Variants in CBFA2T3 observed in about 807,000 individuals in gnomAD.
CBFA2T3 encodes the protein CBFA2/RUNX1 partner transcriptional co-repressor 3.
In CBFA2T3, 31 loss-of-function variants were observed where a neutral mutation model predicts 58.6. That is an observed-to-expected ratio of 0.53 (90% CI 0.40 to 0.71). CBFA2T3 has a LOEUF of 0.71. Among genes scored for constraint, CBFA2T3 ranks in the 30% least tolerant of loss-of-function variants. The pLI is 0.00. For missense variants in CBFA2T3, 1,076 were observed against 963.1 expected (o/e 1.12, Z -1.55); for synonymous variants, 531 against 421.9 (o/e 1.26, Z -3.17).
chr16:88,921,612 G>A (rs35902527), intron 1 of CBFA2T3, among the ~76,000 whole-genome samples: 49 of 145,222 alleles, frequency 3.4e-4, no homozygotes, highest in Non-Finnish European at 5.6e-4. Flanking sequence ...GGGAGGGGGG[G>A]CGGTTGGGGG....
In CBFA2T3 at chr16:88,877,051, G is replaced by C; in HGVS notation, c.1887C>G (p.Ser629Arg). Residue 629 changes from serine (S) to arginine (R), a missense_variant, in exon 12 of 12, where the codon AGC becomes AGG. Coordinates refer to ENST00000268679, the MANE Select transcript of CBFA2T3 (RefSeq NM_005187.6). The part of the protein sequence containing the change: ...PSLPVGAASP[S>R]EAGSAGPSRP... ...GAGAAGGCCCCGCAGAGCCGGCTTC[G>C]CTGGGGCTGGCAGCACCCACAGGCA... 1 of 1,517,118 alleles carries C rather than the reference G, an allele frequency of 6.6e-7. No individual in the cohort carries two copies. Among genetic ancestry groups the C allele is most frequent in the Non-Finnish European group, 8.8e-7 (1 of 1,131,752 alleles). The allele number at this position is 1,517,118 out of a possible 1,614,324, so 94.0% of individuals were successfully genotyped here. A position where few individuals can be genotyped will look rare whatever the true frequency, so the allele number is the denominator to read the frequency against.
In CBFA2T3 at chr16:88,977,002, G is replaced by T. The variant is rs1972880306; in HGVS notation, c.-195C>A. On this transcript the variant is annotated 5_prime_UTR_variant, in exon 1 of 12. Transcript: ENST00000268679. ...TGGGTGTCCTCTGCCCTGGGGAGGG[G>T]GTGGGAGCCCTGGGGCTCATGTGAC... 3.5e-6 allele frequency: 2 copies of T among 564,924 alleles called. No homozygotes were observed. Among genetic ancestry groups the T allele is most frequent in the Non-Finnish European group, 3.0e-6 (1 of 330,610 alleles). 35.0% of individuals were successfully genotyped at this position (564,924 alleles called of 1,614,324 possible). A position where few individuals can be genotyped will look rare whatever the true frequency, so the allele number is the denominator to read the frequency against.
intron 1 of CBFA2T3, among the ~76,000 whole-genome samples, chr16:88,956,303 G>A (rs1366823916): frequency 6.6e-6 from 1 of 152,270 alleles, no homozygotes; most frequent in East Asian, 1.9e-4. Context: ...CGCACACGGA[G>A]CTCATGGCCT....
At chr16:88,895,955 C>A (rs1051519376) in intron 3 of CBFA2T3, among the ~76,000 whole-genome samples, 1 of 152,192 alleles carries the variant, frequency 6.6e-6, no homozygotes, top group African/African-American at 2.4e-5. Flanking sequence ...CTCCAGGGAC[C>A]AGAGGACAGC....
At position 88,950,342 on chromosome 16, in the gene CBFA2T3, T is replaced by C. The variant is rs943309456; in HGVS notation, c.151+26315A>G. 15 of 410,224 alleles carry C rather than the reference T, an allele frequency of 3.7e-5. 2 individuals carry two copies. The highest frequency in any genetic ancestry group is 7.8e-5 in the East Asian group (1 of 12,886). 25.4% of individuals were successfully genotyped at this position (410,224 alleles called of 1,614,324 possible). A position where few individuals can be genotyped will look rare whatever the true frequency, so the allele number is the denominator to read the frequency against. ...CTTCCGGGTCAGTTCACCCGTCCCC[T>C]GGACCGGCACCGCCACAGAGGGTCA... is the stretch of plus-strand genomic sequence containing the variant. On this transcript the variant is annotated intron_variant, in intron 1 of 11. Transcript: ENST00000268679.
chr16:88,878,817 G>A (rs1429096401), intron 11 of CBFA2T3, among the ~76,000 whole-genome samples: 6 of 152,228 alleles, frequency 3.9e-5, no homozygotes, highest in Non-Finnish European at 2.9e-5. Context: ...GTGGTGGCGG[G>A]CGCCTGTAAT....
At chr16:88,918,549 G>A (rs189140097) in intron 1 of CBFA2T3, among the ~76,000 whole-genome samples, 206 of 152,364 alleles carry the variant, frequency 1.4e-3, no homozygotes, top group African/African-American at 4.5e-3. Context: ...AGCTCCAAGC[G>A]TGCGGCCCAC....
intron 1 of CBFA2T3, chr16:88,937,107 G>C (rs557601): frequency 5.3e-5 from 8 of 152,226 alleles, no homozygotes; most frequent in African/African-American, 1.7e-4. Context: ...CCCGCAGCAC[G>C]GCCTGGGCTC....
intron 1 of CBFA2T3, among the ~76,000 whole-genome samples, chr16:88,952,119 G>A (rs1972089144): frequency 1.3e-5 from 2 of 152,218 alleles, no homozygotes; most frequent in South Asian, 2.1e-4. Context: ...CTGACAGCCC[G>A]AGTGATGGGA....
chr16:88,905,029 G>C (rs565968380), intron 1 of CBFA2T3, among the ~76,000 whole-genome samples: 1 of 152,216 alleles, frequency 6.6e-6, no homozygotes, highest in East Asian at 1.9e-4. Flanking sequence ...AGGACCCTCA[G>C]AGAAGATGAG....
intron 2 of CBFA2T3, among the ~76,000 whole-genome samples, chr16:88,898,501 C>T (rs1371565554): frequency 4.6e-5 from 7 of 152,234 alleles, no homozygotes; most frequent in African/African-American, 1.4e-4. Context: ...CCCTAAGGGC[C>T]GTTCTGGCAG....
At chr16:88,910,883 T>TGCCCCCA (rs71276836) in intron 1 of CBFA2T3, among the ~76,000 whole-genome samples, 40,526 of 150,956 alleles carry the variant, frequency 0.27, 6,013 homozygotes, top group Middle Eastern at 0.38. Context: ...CTCCCTCCCC[T>TGCCCCCA]GCCCCCAGCC....
In CBFA2T3 at chr16:88,968,736, C is replaced by T. The variant is rs1597800207; in HGVS notation, c.151+7921G>A. On this transcript the variant is annotated intron_variant, in intron 1 of 11. Transcript: ENST00000268679. ...CCCCTTGGGAATAAGCGGCAAGAAG[C>T]TTCGGGGTCCAGTTTGCACCGAGCC... Among the ~76,000 whole-genome samples, 2 of 152,298 alleles carry T rather than the reference C, an allele frequency of 1.3e-5. 1 individual carries two copies. The highest frequency in any genetic ancestry group is 6.8e-3 in the Middle Eastern group (2 of 294).
At chr16:88,890,636 C>G (rs1228738306) in intron 5 of CBFA2T3, among the ~76,000 whole-genome samples, 2 of 152,240 alleles carry the variant, frequency 1.3e-5, no homozygotes, top group Non-Finnish European at 2.9e-5. Flanking sequence ...AGTCTGACTC[C>G]ACGGCACTCC....
chr16:88,938,502 C>A (rs1971587459), intron 1 of CBFA2T3: 1 of 152,282 alleles, frequency 6.6e-6, no homozygotes, highest in South Asian at 2.1e-4. Context: ...TACAGGGACG[C>A]GACAGTGCGT....
At chr16:88,969,835 G>A (rs1005626923) in intron 1 of CBFA2T3, among the ~76,000 whole-genome samples, 3 of 152,210 alleles carry the variant, frequency 2.0e-5, no homozygotes, top group Admixed American at 1.3e-4. Context: ...TGGCCTGGGG[G>A]GTTGCGATTT....
intron 1 of CBFA2T3, among the ~76,000 whole-genome samples, chr16:88,970,691 C>T (rs1972631078): frequency 6.6e-6 from 1 of 152,242 alleles, no homozygotes; most frequent in African/African-American, 2.4e-5. Context: ...CAAGTAACAA[C>T]TGAAGGACCA....
chr16:88,889,948 C>T (rs542657009), intron 5 of CBFA2T3, among the ~76,000 whole-genome samples: 4 of 142,028 alleles, frequency 2.8e-5, no homozygotes, highest in African/African-American at 5.3e-5. Context: ...CGACGCCGTG[C>T]GATTCCTCCT....
At chr16:88,888,996 G>A (rs1969514045) in intron 5 of CBFA2T3, among the ~76,000 whole-genome samples, 1 of 151,978 alleles carries the variant, frequency 6.6e-6, no homozygotes. Flanking sequence ...CCGTAGGCCT[G>A]GTGGGGGCAA....
Sources: allele counts gnomAD v4.1 joint callset (sites outside exome capture counted in the v4.1 genomes callset), GRCh38; gene constraint gnomAD v4.1.1; transcripts MANE v1.5; gene names NCBI Gene and HGNC (gene_info 2026-07-23, HGNC 2026-07-21).